The following RAB11FIP4 variants were observed in gnomAD, a reference collection of about 807,000 sequenced individuals.
The protein encoded by RAB11FIP4 is RAB11 family interacting protein 4.
Under a neutral mutation model 74.3 loss-of-function variants are expected in RAB11FIP4, and 23 were observed. The ratio of observed to expected loss-of-function variants is 0.31; its 90% CI spans 0.22 to 0.44. The LOEUF is 0.44. RAB11FIP4 is among the 20% of genes least tolerant of loss of function. The pLI is 1.00. For synonymous variants in RAB11FIP4, 360 were observed against 359.9 expected, an observed-to-expected ratio of 1.00 and a Z score of 0.00; for missense variants, 630 against 863.9, an observed-to-expected ratio of 0.73 and a Z score of 3.39.
intron 3 of RAB11FIP4, among the ~76,000 whole-genome samples, chr17:31,497,155 A>G (rs750753125): frequency 1.1e-4 from 16 of 152,140 alleles, no homozygotes; most frequent in Non-Finnish European, 2.1e-4. Context: ...CCTGAGGTCA[A>G]GAGTTCGAGA....
intron 3 of RAB11FIP4, 90 bp downstream of exon 3, chr17:31,434,212 C>T: frequency 9.6e-7 from 1 of 1,039,590 alleles, no homozygotes; most frequent in Admixed American, 2.0e-5. Context: ...CTGGGAGGAC[C>T]CAGAACCTCC....
intron 3 of RAB11FIP4, among the ~76,000 whole-genome samples, chr17:31,499,045 C>A (rs2072169016): frequency 1.3e-5 from 2 of 152,126 alleles, no homozygotes; most frequent in South Asian, 4.1e-4. Flanking sequence ...TTATACGCAC[C>A]CCATTCAACT....
chr17:31,434,113 C>T lies in RAB11FIP4; in HGVS notation c.327C>T (p.Cys109=), dbSNP rs570241764. 5.7e-6 allele frequency: 9 copies of T among 1,579,596 alleles called. No individual in the cohort carries two copies. In the African/African-American group the frequency reaches 6.7e-5, roughly 12 times the overall value. ...TLPCAPEIPD[C]VEQGSEVTGP... ...CGTGCGCGCCAGAGATCCCAGACTG[C>T]GTGGAGCAGGTAAGGCTTGGGGGGC... The change falls in exon 3 of 15, where the codon TGC becomes TGT. Residue 109 remains cysteine (C), a synonymous_variant. Transcript: ENST00000621161.
intron 2 of RAB11FIP4, among the ~76,000 whole-genome samples, chr17:31,432,610 T>C (rs1452465007): frequency 1.3e-5 from 2 of 152,130 alleles, no homozygotes; most frequent in Non-Finnish European, 2.9e-5. Flanking sequence ...CCCTCCCATC[T>C]CAGTCTCCCA....
chr17:31,442,914 C>G (rs184709125), intron 3 of RAB11FIP4, among the ~76,000 whole-genome samples: 66 of 149,852 alleles, frequency 4.4e-4, no homozygotes, highest in African/African-American at 1.6e-3. Flanking sequence ...GAGCTGAGAT[C>G]GTGCCATTGC....
chr17:31,466,944 A>G (rs951381870), intron 3 of RAB11FIP4, among the ~76,000 whole-genome samples: 1 of 151,886 alleles, frequency 6.6e-6, no homozygotes, highest in Non-Finnish European at 1.5e-5. Flanking sequence ...TACACTTCAA[A>G]TCTCTGCATT....
intron 3 of RAB11FIP4, among the ~76,000 whole-genome samples, chr17:31,447,145 G>A (rs569044605): frequency 9.2e-5 from 14 of 152,330 alleles, no homozygotes; most frequent in South Asian, 2.1e-4. Context: ...TTAGCCGGGC[G>A]TGGTGGTGGG....
At chr17:31,503,760 C>T (rs2072265454) in intron 3 of RAB11FIP4, among the ~76,000 whole-genome samples, 3 of 149,646 alleles carry the variant, frequency 2.0e-5, no homozygotes, top group South Asian at 4.1e-4. Flanking sequence ...TTGGTCTGTT[C>T]GGGCTCCAGT....
chr17:31,393,886 A>C (rs2151611242), intron 1 of RAB11FIP4, among the ~76,000 whole-genome samples: 1 of 152,238 alleles, frequency 6.6e-6, no homozygotes, highest in Non-Finnish European at 1.5e-5. Context: ...CTGGACAAGC[A>C]GACCGCCCCC....
At chr17:31,410,065 G>C (rs1246853748) in intron 1 of RAB11FIP4, among the ~76,000 whole-genome samples, 5 of 152,152 alleles carry the variant, frequency 3.3e-5, no homozygotes, top group African/African-American at 4.8e-5. Flanking sequence ...ATTGGGATGC[G>C]ATACTGTTCC....
At chr17:31,480,793 C>CAAAAAAA (rs36097331) in intron 3 of RAB11FIP4, among the ~76,000 whole-genome samples, 1 of 73,844 alleles carries the variant, frequency 1.4e-5, no homozygotes, top group Non-Finnish European at 2.6e-5. Context: ...GACTCCGTCT[C>CAAAAAAA]AAAAAAAAAA....
At chr17:31,468,806 G>A (rs937500239) in intron 3 of RAB11FIP4, among the ~76,000 whole-genome samples, 8 of 149,734 alleles carry the variant, frequency 5.3e-5, no homozygotes, top group East Asian at 2.0e-4. Flanking sequence ...CTCCAGCCTC[G>A]TGACAGAGCA....
chr17:31,510,183 T>C (rs2072425794), intron 3 of RAB11FIP4, among the ~76,000 whole-genome samples: 1 of 152,156 alleles, frequency 6.6e-6, no homozygotes, highest in Non-Finnish European at 1.5e-5. Flanking sequence ...CACCTATGAG[T>C]TAGCTCAGTA....
intron 1 of RAB11FIP4, among the ~76,000 whole-genome samples, chr17:31,419,223 T>C (rs2071176068): frequency 6.6e-6 from 1 of 152,180 alleles, no homozygotes; most frequent in Non-Finnish European, 1.5e-5. Context: ...TAAGTTTTCA[T>C]TTCTCTAAGA....
Position 31,402,598 on chromosome 17 carries a change from T to TTA in RAB11FIP4, c.159+10588_159+10589insAT, listed in dbSNP as rs142035896. Among the ~76,000 whole-genome samples, 775 of 142,790 alleles carry TTA rather than the reference T, an allele frequency of 5.4e-3. 6 individuals are homozygous for TTA. Among genetic ancestry groups the TTA allele is most frequent in the African/African-American group, 0.019 (736 of 38,306 alleles). 93.7% of individuals were successfully genotyped at this position (142,790 alleles called of 152,430 possible). Reference sequence around the variant, plus strand: ...TGAAGGCTCAGATTATTTTATTTATTTTTATTTATTTATTTATTTATTTAT... The same window carrying TTA: ...TGAAGGCTCAGATTATTTTATTTATTTATTTATTTATTTATTTATTTATTTAT... On this transcript the variant is annotated intron_variant, in intron 1 of 14. Coordinates refer to ENST00000621161, the MANE Select transcript of RAB11FIP4 (RefSeq NM_032932.6).
intron 1 of RAB11FIP4, among the ~76,000 whole-genome samples, chr17:31,406,497 C>T (rs973498454): frequency 2.0e-5 from 3 of 152,258 alleles, no homozygotes; most frequent in Non-Finnish European, 4.4e-5. Context: ...AGCCTTGCTC[C>T]AGGCACGAGG....
chr17:31,523,240 G>A (rs950958964), intron 7 of RAB11FIP4: 8 of 502,322 alleles, frequency 1.6e-5, no homozygotes, highest in African/African-American at 1.5e-4. Context: ...CAGCATGCTG[G>A]CGTGAAGAGG....
At position 31,391,935 on chromosome 17, in the gene RAB11FIP4, GC is replaced by G; in HGVS notation, c.84del (p.Cys28TrpfsTer31). The part of the protein sequence containing the change: ...VRRLREVFEV[C>X]GRDPDGFLRV... ...CGCCTGCGCGAGGTGTTCGAGGTGT[GC>G]GGCCGCGACCCCGACGGCTTCCTGC... On this transcript the variant is annotated frameshift_variant, in exon 1 of 15. Transcript: ENST00000621161. LOFTEE classifies it high-confidence loss of function. 1 of 1,381,380 alleles carries G rather than the reference GC, an allele frequency of 7.2e-7. No homozygotes were observed. Among genetic ancestry groups the G allele is most frequent in the Non-Finnish European group, 9.4e-7 (1 of 1,063,598 alleles). 85.6% of individuals were successfully genotyped at this position (1,381,380 alleles called of 1,614,324 possible).
chr17:31,431,555 CG>C, intron 1 of RAB11FIP4: 1 of 430,182 alleles, frequency 2.3e-6, no homozygotes, highest in Non-Finnish European at 4.1e-6. Context: ...GAAGGAGGCT[CG>C]GCCCCTGAAG....
Sources: gnomAD v4.1 joint callset for allele counts (sites outside exome capture counted in the v4.1 genomes callset) on GRCh38, gnomAD v4.1.1 for gene constraint, MANE v1.5 for transcripts, NCBI Gene and HGNC (gene_info 2026-07-23, HGNC 2026-07-21) for gene names.